Variants in SCHIP1 observed in about 807,000 individuals in gnomAD.
The protein encoded by SCHIP1 is schwannomin interacting protein 1.
SCHIP1 carries 8 observed loss-of-function variants against 29.7 expected under a neutral mutation model. The observed-to-expected ratio is 0.27, with a 90% CI of 0.16 to 0.49. The LOEUF (loss-of-function observed/expected upper bound fraction) is 0.49, where lower values mean the gene tolerates loss of function less well. SCHIP1 is among the 20% of genes least tolerant of loss of function. SCHIP1 has a pLI of 0.99. For synonymous variants in SCHIP1, 76 were observed against 94.9 expected, an observed-to-expected ratio of 0.80 and a Z score of 1.16; for missense variants, 193 against 294.6, an observed-to-expected ratio of 0.66 and a Z score of 2.52.
the SCHIP1 span, among the ~76,000 whole-genome samples, chr3:159,379,446 C>T: frequency 6.6e-6 from 1 of 152,194 alleles, no homozygotes; most frequent in African/African-American, 2.4e-5. Flanking sequence ...TGGTCTCAAA[C>T]TCCTGACCTC....
At chr3:159,375,827 A>AATC in the SCHIP1 span, 1 of 814,372 alleles carries the variant, frequency 1.2e-6, no homozygotes, top group East Asian at 1.2e-4. Flanking sequence ...GACAGGCAGG[A>AATC]ATCATCAATG....
At chr3:159,545,802 CT>C in the SCHIP1 span, among the ~76,000 whole-genome samples, 1 of 150,468 alleles carries the variant, frequency 6.6e-6, no homozygotes, top group Non-Finnish European at 1.5e-5. Context: ...TGGTTCTGCA[CT>C]TCCATTTGTT....
intron 5 of SCHIP1, among the ~76,000 whole-genome samples, chr3:159,890,043 C>T (rs1171752151): frequency 6.6e-6 from 1 of 150,630 alleles, no homozygotes. Flanking sequence ...TGCAGTGAGC[C>T]GAGATCTCGC....
At chr3:159,466,604 T>A in the SCHIP1 span, among the ~76,000 whole-genome samples, 2 of 152,120 alleles carry the variant, frequency 1.3e-5, no homozygotes. Flanking sequence ...AGGAAGTACA[T>A]ATGACTGCAT....
the SCHIP1 span, chr3:159,764,625 G>T: frequency 1.2e-6 from 2 of 1,607,980 alleles, no homozygotes; most frequent in Admixed American, 1.7e-5. This position sits in a 1 kb window ranked among gnomAD's most constrained non-coding sequence, Gnocchi z 6.1. Context: ...AGCCCTTCCC[G>T]GTCTACCAGA....
At chr3:159,679,859 G>T in the SCHIP1 span, among the ~76,000 whole-genome samples, 1 of 151,938 alleles carries the variant, frequency 6.6e-6, no homozygotes, top group South Asian at 2.1e-4. Context: ...CTACTCATCT[G>T]CCATTACAAC....
the SCHIP1 span, among the ~76,000 whole-genome samples, chr3:159,487,953 T>C: frequency 6.6e-6 from 1 of 152,210 alleles, no homozygotes; most frequent in Non-Finnish European, 1.5e-5. Flanking sequence ...CTTAAATACA[T>C]TTATCAAATT....
chr3:159,738,705 A>G, the SCHIP1 span, among the ~76,000 whole-genome samples: 8 of 152,356 alleles, frequency 5.3e-5, no homozygotes, highest in East Asian at 5.8e-4. Context: ...CTTACATTCC[A>G]GAGAGGAGAG....
the SCHIP1 span, among the ~76,000 whole-genome samples, chr3:159,337,353 C>G: frequency 6.6e-6 from 1 of 152,042 alleles, no homozygotes; most frequent in Non-Finnish European, 1.5e-5. Context: ...CCAGGGCAGT[C>G]AGGCAGGAGA....
the SCHIP1 span, among the ~76,000 whole-genome samples, chr3:159,627,891 G>A: frequency 6.6e-6 from 1 of 152,220 alleles, no homozygotes; most frequent in South Asian, 2.1e-4. Flanking sequence ...GGCAGCTGCT[G>A]AAAGGTAGAT....
the SCHIP1 span, among the ~76,000 whole-genome samples, chr3:159,647,315 T>C: frequency 6.6e-6 from 1 of 151,844 alleles, no homozygotes; most frequent in South Asian, 2.1e-4. Context: ...ATGAGTTCAG[T>C]GGAGAGCATG....
At chr3:159,612,276 G>T in the SCHIP1 span, among the ~76,000 whole-genome samples, 1 of 151,652 alleles carries the variant, frequency 6.6e-6, no homozygotes, top group Admixed American at 6.6e-5. Context: ...AATTGATCCT[G>T]GTGAAAATAA....
the SCHIP1 span, among the ~76,000 whole-genome samples, chr3:159,621,975 T>C: frequency 6.6e-6 from 1 of 152,208 alleles, no homozygotes. Flanking sequence ...CCTGCATGTA[T>C]GTTTTAATAA....
chr3:159,592,852 G>C, the SCHIP1 span, among the ~76,000 whole-genome samples: 3 of 152,108 alleles, frequency 2.0e-5, no homozygotes, highest in African/African-American at 7.2e-5. Context: ...GCTCATCTAA[G>C]TAGCAAAAAT....
the SCHIP1 span, among the ~76,000 whole-genome samples, chr3:159,577,586 G>A: frequency 6.6e-6 from 1 of 152,168 alleles, no homozygotes; most frequent in Non-Finnish European, 1.5e-5. Flanking sequence ...CTGTACCACA[G>A]ATTTCCCGTG....
the SCHIP1 span, among the ~76,000 whole-genome samples, chr3:159,345,520 G>T: frequency 6.6e-6 from 1 of 151,772 alleles, no homozygotes; most frequent in East Asian, 1.9e-4. Flanking sequence ...TAATGGAAGA[G>T]AAGCTCAGTT....
At chr3:159,742,057 C>T in the SCHIP1 span, among the ~76,000 whole-genome samples, 2 of 151,998 alleles carry the variant, frequency 1.3e-5, no homozygotes, top group African/African-American at 2.4e-5. Flanking sequence ...TGGTGAAACC[C>T]CATCTAAAAA....
the SCHIP1 span, among the ~76,000 whole-genome samples, chr3:159,424,316 T>A: frequency 1.3e-5 from 2 of 151,996 alleles, no homozygotes; most frequent in Non-Finnish European, 2.9e-5. Flanking sequence ...AATGTATAAC[T>A]AGAATAACCA....
chr3:159,680,568 GTA>G, the SCHIP1 span, among the ~76,000 whole-genome samples: 1 of 108,292 alleles, frequency 9.2e-6, no homozygotes, highest in Non-Finnish European at 1.7e-5. Flanking sequence ...TATAATATAT[GTA>G]TAATATATCT....
Sources: allele counts gnomAD v4.1 joint callset (sites outside exome capture counted in the v4.1 genomes callset), GRCh38; gene constraint gnomAD v4.1.1; non-coding constraint Gnocchi (gnomAD v3.1); transcripts MANE v1.5; gene names NCBI Gene and HGNC (gene_info 2026-07-23, HGNC 2026-07-21).